NWD1: variants seen among roughly 807,000 people sequenced by gnomAD.
NWD1 encodes the protein NACHT and WD repeat domain containing 1, also known as NACHT domain- and WD repeat-containing protein 1.
In NWD1, 129 loss-of-function variants were observed where a neutral mutation model predicts 135.1. The observed-to-expected ratio is 0.96, with a 90% CI of 0.83 to 1.11. The LOEUF is 1.11. NWD1 is among the 50% of genes least tolerant of loss of function. NWD1 has a pLI of 0.00. For synonymous variants in NWD1, 773 were observed against 786.0 expected (o/e 0.98, Z 0.28); for missense variants, 1,740 against 1,851.3 (o/e 0.94, Z 1.10).
intron 11 of NWD1, among the ~76,000 whole-genome samples, chr19:16,776,276 T>A (rs62118259): frequency 0.46 from 70,109 of 151,834 alleles, 18,769 homozygotes; most frequent in African/African-American, 0.75. Flanking sequence ...TCATTTTTAA[T>A]ATGAAAAGTA....
intron 14 of NWD1, among the ~76,000 whole-genome samples, chr19:16,793,607 T>C (rs899670990): frequency 2.7e-5 from 4 of 150,762 alleles, no homozygotes; most frequent in Non-Finnish European, 5.9e-5. Context: ...GACTGAGTCT[T>C]GCTCTGTCGC....
chr19:16,730,726 T>C (rs1367836562), intron 2 of NWD1, among the ~76,000 whole-genome samples: 1 of 151,666 alleles, frequency 6.6e-6, no homozygotes, highest in African/African-American at 2.4e-5. Flanking sequence ...TTAAAAAACA[T>C]TTTTTTAAAA....
intron 12 of NWD1, among the ~76,000 whole-genome samples, chr19:16,788,096 G>C (rs570921187): frequency 4.4e-4 from 65 of 148,178 alleles, no homozygotes; most frequent in South Asian, 1.5e-3. Context: ...CAAGTGTGGT[G>C]GTGGGCACCT....
chr19:16,793,667 C>A (rs904409625), intron 14 of NWD1, among the ~76,000 whole-genome samples: 7 of 151,992 alleles, frequency 4.6e-5, no homozygotes, highest in African/African-American at 1.7e-4. Context: ...ACCTCCACCT[C>A]CCAGCTTCAA....
rs748732405 is a variant in NWD1 at position 16,747,525 on chromosome 19, C to T, written c.497-1614C>T. Among the ~76,000 whole-genome samples the T allele has an allele frequency of 4.6e-5, 7 of 151,896 alleles. No individual in the cohort carries two copies. In the South Asian group the frequency reaches 8.3e-4, roughly 18 times the overall value. ...CCCAGTAGCTGGGACCGCAGTCACACGCCATCACAGGTGGCTAACTTATTT... is the reference window on the plus strand; with the variant it reads ...CCCAGTAGCTGGGACCGCAGTCACATGCCATCACAGGTGGCTAACTTATTT... On this transcript the variant is annotated intron_variant, in intron 5 of 18. Coordinates refer to ENST00000524140, the MANE Select transcript of NWD1 (RefSeq NM_001007525.5).
rs547482953 is a variant in NWD1, at chr19:16,739,921, C to T, written c.198+3171C>T. On this transcript the variant is annotated intron_variant, in intron 4 of 18. Transcript: ENST00000524140. ...TTTGTTTTTTACCACCTGTTTCCTT[C>T]ATATAACCTCTGGTCTGTGGTTGGC... 2.6e-5 allele frequency among the ~76,000 whole-genome samples: 4 copies of T among 152,198 alleles called. No homozygotes were observed. The East Asian group carries it at 7.7e-4, about 29-fold the overall frequency.
chr19:16,732,677 T>TAAAAAAAAAAAAAAAAAAAAA lies in NWD1; in HGVS notation c.81+1399_81+1400insAAAAAAAAAAAAAAAAAAAAA, dbSNP rs1464805489. Among the ~76,000 whole-genome samples, 54 of 85,116 alleles carry TAAAAAAAAAAAAAAAAAAAAA rather than the reference T, an allele frequency of 6.3e-4. 5 individuals are homozygous for TAAAAAAAAAAAAAAAAAAAAA. The highest frequency in any genetic ancestry group is 3.3e-3 in the African/African-American group (53 of 16,134). 55.8% of individuals were successfully genotyped at this position (85,116 alleles called of 152,430 possible). A position where few individuals can be genotyped will look rare whatever the true frequency, so the allele number is the denominator to read the frequency against. ...CTCAAAAAAAAAAAAAAAGAAAAAG[T>TAAAAAAAAAAAAAAAAAAAAA]GAAAAAGTGCAGTGGTGTGATCTCA... On this transcript the variant is annotated intron_variant, in intron 3 of 18. Transcript: ENST00000524140.
chr19:16,729,471 C>T (rs1376599788), intron 2 of NWD1, among the ~76,000 whole-genome samples: 1 of 151,896 alleles, frequency 6.6e-6, no homozygotes. Flanking sequence ...CCTTCTCTGC[C>T]CCTCGATGTA....
Position 16,807,949 on chromosome 19 carries a change from C to T in NWD1, c.4100C>T (p.Thr1367Ile). Residue 1367 changes from threonine to isoleucine, a missense_variant, in exon 18 of 19, where the codon ACC becomes ATC. Physicochemically the swap from Thr to Ile is moderately conservative, Grantham distance 89. Transcript: ENST00000524140. ...GACTACCGCGTGGTCTACAGCATGA[C>T]CAATGGGGACCTCTTTCTTTACGAG... ...LTDYRVVYSM[T>I]NGDLFLYECA... The T allele has an allele frequency of 1.2e-6, 2 of 1,614,150 alleles. No individual in the cohort carries two copies. Among genetic ancestry groups the T allele is most frequent in the Non-Finnish European group, 1.7e-6 (2 of 1,180,030 alleles).
At chr19:16,731,609 GC>G (rs1967571305) in intron 3 of NWD1, among the ~76,000 whole-genome samples, 1 of 78,912 alleles carries the variant, frequency 1.3e-5, no homozygotes, top group South Asian at 3.5e-4. Flanking sequence ...CCAGCCCCAT[GC>G]TTTTTTTTTT....
intron 17 of NWD1, among the ~76,000 whole-genome samples, chr19:16,805,119 C>T (rs892162614): frequency 2.6e-5 from 4 of 151,538 alleles, no homozygotes; most frequent in Admixed American, 2.6e-4. Flanking sequence ...AGTGCAGTGG[C>T]GTGATCTCAG....
At chr19:16,728,536 C>T (rs1011454323) in intron 2 of NWD1, among the ~76,000 whole-genome samples, 4 of 152,032 alleles carry the variant, frequency 2.6e-5, no homozygotes, top group Admixed American at 2.0e-4. Flanking sequence ...CTGCCCCACT[C>T]AGCCTCCCAA....
chr19:16,728,564 C>T (rs1424546606), intron 2 of NWD1, among the ~76,000 whole-genome samples: 2 of 151,438 alleles, frequency 1.3e-5, no homozygotes, highest in Non-Finnish European at 2.9e-5. Flanking sequence ...GGATTACAGG[C>T]GTGAGCCACC....
chr19:16,763,283 A>G (rs564655862), intron 8 of NWD1, among the ~76,000 whole-genome samples: 108 of 152,226 alleles, frequency 7.1e-4, no homozygotes, highest in African/African-American at 2.5e-3. Flanking sequence ...CAATCTGATT[A>G]TGATTATGCC....
At position 16,789,180 on chromosome 19, in the gene NWD1, C is replaced by G. The variant is rs769552848; in HGVS notation, c.2930C>G (p.Ser977Cys). Residue 977 changes from serine to cysteine, a missense_variant, in exon 13 of 19, where the codon TCT becomes TGT. By Grantham distance (112) the Ser-to-Cys change is moderately radical (BLOSUM62 -1). Transcript: ENST00000524140. ...DEAHKVVYSA[S>C]GSKINAWNLE... The stretch of plus-strand genomic sequence containing the variant: ...GCACACAAAGTTGTGTATTCAGCAT[C>G]TGGCTCAAAGGTAACAAACATATGC... 2.5e-6 allele frequency: 4 copies of G among 1,613,160 alleles called. No homozygotes were observed. In the African/African-American group the frequency reaches 5.3e-5, roughly 22 times the overall value.
At chr19:16,778,498 T>TC (rs1568373626) in intron 11 of NWD1, among the ~76,000 whole-genome samples, 7 of 83,580 alleles carry the variant, frequency 8.4e-5, no homozygotes, top group African/African-American at 2.6e-4. Context: ...CTTCTTCTTT[T>TC]TTTTTTTTTT....
At chr19:16,753,617 T>C (rs1968663089) in intron 6 of NWD1, among the ~76,000 whole-genome samples, 1 of 152,202 alleles carries the variant, frequency 6.6e-6, no homozygotes. Context: ...TTGGTTGTCA[T>C]GACTGAGCAG....
Position 16,784,657 on chromosome 19 carries a change from G to A in NWD1, c.2732-4325G>A, listed in dbSNP as rs147286781. 3.8e-3 allele frequency among the ~76,000 whole-genome samples: 581 copies of A among 152,138 alleles called. 1 individual carries two copies. Among genetic ancestry groups the A allele is most frequent in the African/African-American group, 0.013 (523 of 41,526 alleles). On this transcript the variant is annotated intron_variant, in intron 12 of 18. Transcript: ENST00000524140. ...AATAAAAAGGAGCAGTCGGCTGGGC[G>A]CGGTGGCTCACGCCTGTAATCCCAG...
intron 6 of NWD1, among the ~76,000 whole-genome samples, chr19:16,758,372 G>T (rs1283578686): frequency 6.6e-6 from 1 of 152,130 alleles, no homozygotes; most frequent in Non-Finnish European, 1.5e-5. Context: ...AACCTCCTGG[G>T]CTCAAGTGAT....
Sources: gnomAD v4.1 joint callset for allele counts (sites outside exome capture counted in the v4.1 genomes callset) on GRCh38, gnomAD v4.1.1 for gene constraint, MANE v1.5 for transcripts, NCBI Gene and HGNC (gene_info 2026-07-23, HGNC 2026-07-21) for gene names.